ZBTB48: variants seen among roughly 807,000 people sequenced by gnomAD.
ZBTB48 encodes the protein zinc finger and BTB domain containing 48, also known as zinc finger and BTB domain-containing protein 48.
Under a neutral mutation model 64.5 loss-of-function variants are expected in ZBTB48, and 35 were observed. The observed-to-expected ratio is 0.54, with a 90% CI of 0.41 to 0.72. The LOEUF is 0.72. ZBTB48 is among the 30% of genes least tolerant of loss of function. ZBTB48 has a pLI of 0.00. For missense variants in ZBTB48, 828 were observed against 895.3 expected (o/e 0.92, Z 0.96); for synonymous variants, 442 against 356.7 (o/e 1.24, Z -2.70).
Position 6,587,205 on chromosome 1 carries a change from T to C in ZBTB48, c.1138T>C (p.Cys380Arg). Residue 380 changes from cysteine to arginine, a missense_variant and splice_region_variant, in exon 6 of 11, where the codon TGT (cysteine) becomes CGT (arginine). Coordinates refer to ENST00000377674, the MANE Select transcript of ZBTB48 (RefSeq NM_005341.4). ...AGGTGACTGTGGGCCTCTTTTTCAG[T>C]GTTCCTCCTGCTCCCAGCAGTTCAT... ...VSHTGEMPYK[C>R]SSCSQQFMQK... The C allele has an allele frequency of 6.2e-7, 1 of 1,613,898 alleles. No homozygotes were observed. The highest frequency in any genetic ancestry group is 8.5e-7 in the Non-Finnish European group (1 of 1,180,008).
At chr1:6,581,688 C>T (rs538567244) in intron 2 of ZBTB48, among the ~76,000 whole-genome samples, 75 of 151,952 alleles carry the variant, frequency 4.9e-4, no homozygotes, top group Admixed American at 1.9e-3. Flanking sequence ...AATATGTGGA[C>T]CTTAAGACAA....
Position 6,586,767 on chromosome 1 carries a change from A to G in ZBTB48, c.1117A>G (p.Thr373Ala). 3.1e-6 allele frequency: 5 copies of G among 1,607,588 alleles called. No individual in the cohort carries two copies. Among genetic ancestry groups the G allele is most frequent in the Non-Finnish European group, 4.3e-6 (5 of 1,176,466 alleles). ...MELRVHMVSHTGEMPYKCSSC... is the reference protein window; with the variant it reads ...MELRVHMVSHAGEMPYKCSSC... ...GCTGCGGGTGCACATGGTGTCTCAC[A>G]CAGGGGAGATGCCCTACAAGGTCAG... is the stretch of plus-strand genomic sequence containing the variant. The change falls in exon 5 of 11, where the codon ACA (threonine) becomes GCA (alanine). Residue 373 changes from threonine (T) to alanine (A), a missense_variant. Thr to Ala is a moderately conservative substitution (Grantham distance 58). Transcript: ENST00000377674.
At chr1:6,581,857 T>A (rs1640481639) in intron 2 of ZBTB48, among the ~76,000 whole-genome samples, 1 of 152,148 alleles carries the variant, frequency 6.6e-6, no homozygotes, top group Non-Finnish European at 1.5e-5. Context: ...TGTTTCCAGC[T>A]GAGCTTCCAG....
chr1:6,584,353 C>A lies in ZBTB48; in HGVS notation c.933-1566C>A, dbSNP rs538649528. On this transcript the variant is annotated intron_variant, in intron 3 of 10. Transcript: ENST00000377674. The surrounding 1 kb of genome is among the most constrained non-coding windows in gnomAD (Gnocchi z 4.5). ...CAGTGCTGACATAGCACATTTCCAT[C>A]ATCGTGGAGAATCCCCTTGGGCGGC... Among the ~76,000 whole-genome samples, 1 of 152,400 alleles carries A rather than the reference C, an allele frequency of 6.6e-6. No individual in the cohort carries two copies. The highest frequency in any genetic ancestry group is 1.9e-4 in the East Asian group (1 of 5,188).
Position 6,587,616 on chromosome 1 carries a change from A to G in ZBTB48, c.1363A>G (p.Ile455Val). ...GAGCCGGAATGGCCTGCAGATGCAC[A>G]TCAAGGCCAAGCACAGGTGCGTGTC... ...ASSRNGLQMH[I>V]KAKHRNERPH... The change falls in exon 7 of 11, where the codon ATC becomes GTC. Residue 455 changes from isoleucine (I) to valine (V), a missense_variant. Coordinates refer to ENST00000377674, the MANE Select transcript of ZBTB48 (RefSeq NM_005341.4). The G allele has an allele frequency of 6.2e-7, 1 of 1,613,330 alleles. No individual in the cohort carries two copies. The highest frequency in any genetic ancestry group is 1.1e-5 in the South Asian group (1 of 91,046).
In ZBTB48 at chr1:6,588,901, C is replaced by T. The variant is rs1480455896; in HGVS notation, c.1771-15C>T. 4.3e-6 allele frequency: 7 copies of T among 1,613,616 alleles called. No individual in the cohort carries two copies. Among genetic ancestry groups the T allele is most frequent in the Admixed American group, 1.7e-5 (1 of 60,002 alleles). On this transcript the variant is annotated splice_polypyrimidine_tract_variant and intron_variant, in intron 10 of 10. Coordinates refer to ENST00000377674, the MANE Select transcript of ZBTB48 (RefSeq NM_005341.4). Reference sequence around the variant, plus strand: ...CTAGGATCCCCCAAAGTTCTGAGCTCACCCTCCCCGCCAGGCCCACCTGCG... The same window carrying T: ...CTAGGATCCCCCAAAGTTCTGAGCTTACCCTCCCCGCCAGGCCCACCTGCG...
Position 6,588,796 on chromosome 1 carries a change from G to A in ZBTB48, c.1722G>A (p.Gly574=). ...QLRVHVRRHK[G]VRKFECTECG... ...GTGTGCACGTCAGACGGCACAAGGG[G>A]GTGAGGAAGTTTGAGTGCACCGAGT... The change falls in exon 10 of 11, where the codon GGG becomes GGA. Residue 574 remains glycine, a synonymous_variant. Coordinates refer to ENST00000377674, the MANE Select transcript of ZBTB48 (RefSeq NM_005341.4). 3 of 1,614,148 alleles carry A rather than the reference G, an allele frequency of 1.9e-6. No individual in the cohort carries two copies. The highest frequency in any genetic ancestry group is 1.1e-5 in the South Asian group (1 of 91,088).
chr1:6,583,861 C>A (rs1484728559), intron 3 of ZBTB48, among the ~76,000 whole-genome samples: 2 of 150,762 alleles, frequency 1.3e-5, no homozygotes, highest in African/African-American at 4.9e-5. Context: ...CTCACTACAA[C>A]CTCTGCCTCC....
At position 6,582,267 on chromosome 1, in the gene ZBTB48, C is replaced by T. The variant is rs375244178; in HGVS notation, c.900C>T (p.Phe300=). 1 of 1,612,852 alleles carries T rather than the reference C, an allele frequency of 6.2e-7. No homozygotes were observed. The highest frequency in any genetic ancestry group is 8.5e-7 in the Non-Finnish European group (1 of 1,178,974). ...AATGCCCCACATGTCATAAAAAGTT[C>T]CTCAGCAAATATTATCTAAAAGTCC... ...PVECPTCHKK[F]LSKYYLKVHN... is the part of the protein sequence containing the mutation. Residue 300 remains phenylalanine (F), a synonymous_variant, in exon 3 of 11, where the codon TTC becomes TTT. Transcript: ENST00000377674.
Position 6,587,204 on chromosome 1 carries a change from G to T in ZBTB48, c.1138-1G>T. ...GAGGTGACTGTGGGCCTCTTTTTCA[G>T]TGTTCCTCCTGCTCCCAGCAGTTCA... is the stretch of plus-strand genomic sequence containing the variant. On this transcript the variant is annotated splice_acceptor_variant, in intron 5 of 10. Coordinates refer to ENST00000377674, the MANE Select transcript of ZBTB48 (RefSeq NM_005341.4). LOFTEE classifies it high-confidence loss of function. 3.7e-6 allele frequency: 6 copies of T among 1,613,930 alleles called. No individual in the cohort carries two copies. Among genetic ancestry groups the T allele is most frequent in the Non-Finnish European group, 5.1e-6 (6 of 1,179,998 alleles).
intron 3 of ZBTB48, chr1:6,585,468 G>A (rs1425500443): frequency 5.4e-6 from 1 of 184,766 alleles, no homozygotes; most frequent in Admixed American, 5.3e-5. Context: ...AAACCTGTGG[G>A]GGAGGCAGTC....
rs756776767 is a variant in ZBTB48 at position 6,589,228 on chromosome 1, A to G, written c.*16A>G. 1 of 1,495,058 alleles carries G rather than the reference A, an allele frequency of 6.7e-7. No individual in the cohort carries two copies. Among genetic ancestry groups the G allele is most frequent in the South Asian group, 1.4e-5 (1 of 73,538 alleles). 92.6% of individuals were successfully genotyped at this position (1,495,058 alleles called of 1,614,324 possible). A position where few individuals can be genotyped will look rare whatever the true frequency, so the allele number is the denominator to read the frequency against. On this transcript the variant is annotated 3_prime_UTR_variant, in exon 11 of 11. Transcript: ENST00000377674. Reference sequence around the variant, plus strand: ...TGACACATAGCCCATTCTGGCCACCAGAGCCCACTTGGCCCCACCCCTCAA... The same window carrying G: ...TGACACATAGCCCATTCTGGCCACCGGAGCCCACTTGGCCCCACCCCTCAA...
At chr1:6,582,674 G>A (rs139057376) in intron 3 of ZBTB48, among the ~76,000 whole-genome samples, 47 of 152,326 alleles carry the variant, frequency 3.1e-4, no homozygotes, top group East Asian at 1.5e-3. Flanking sequence ...CTTGAAGCCT[G>A]GCAGTGTGGG....
rs961312143 is a variant in ZBTB48, at chr1:6,586,455, G to A, written c.1045-240G>A. 4.0e-6 allele frequency: 3 copies of A among 757,118 alleles called. No individual in the cohort carries two copies. The African/African-American group carries it at 5.3e-5, about 13-fold the overall frequency. 46.9% of individuals were successfully genotyped at this position (757,118 alleles called of 1,614,324 possible). ...GCCACTAGGGCCAGGGACTGTGGGTGAGGCCACTCGGACCCTGCCCCCAGT... is the reference window on the plus strand; with the variant it reads ...GCCACTAGGGCCAGGGACTGTGGGTAAGGCCACTCGGACCCTGCCCCCAGT... On this transcript the variant is annotated intron_variant, in intron 4 of 10. Coordinates refer to ENST00000377674, the MANE Select transcript of ZBTB48 (RefSeq NM_005341.4).
Position 6,587,302 on chromosome 1 carries a change from G to A in ZBTB48, c.1224+11G>A. ...CCCAAGCCCCATGCAGTAAGTGACA[G>A]GGAGGGCTGGGCATGCTTTGATGCT... On this transcript the variant is annotated intron_variant, in intron 6 of 10. Coordinates refer to ENST00000377674, the MANE Select transcript of ZBTB48 (RefSeq NM_005341.4). 2 of 1,614,068 alleles carry A rather than the reference G, an allele frequency of 1.2e-6. No individual in the cohort carries two copies. The highest frequency in any genetic ancestry group is 1.7e-6 in the Non-Finnish European group (2 of 1,180,014).
Position 6,588,307 on chromosome 1 carries a change from A to T in ZBTB48, c.1546A>T (p.Thr516Ser). The T allele has an allele frequency of 6.2e-7, 1 of 1,607,652 alleles. No homozygotes were observed. Among genetic ancestry groups the T allele is most frequent in the Non-Finnish European group, 8.5e-7 (1 of 1,175,166 alleles). Residue 516 changes from threonine to serine, a missense_variant, in exon 9 of 11, where the codon ACC becomes TCC. Physicochemically the swap from Thr to Ser is moderately conservative, Grantham distance 58. Coordinates refer to ENST00000377674, the MANE Select transcript of ZBTB48 (RefSeq NM_005341.4). ...ASLDKHNRTH[T>S]GERPFSCEFC... ...CCTGGACAAGCACAACCGCACCCAC[A>T]CCGGGGAAAGGCCCTTCAGTTGCGA...
At chr1:6,588,256 A>T in intron 8 of ZBTB48, 22 bp from the exon 9 acceptor site, 8 of 1,609,400 alleles carry the variant, frequency 5.0e-6, no homozygotes, top group Non-Finnish European at 6.8e-6. Flanking sequence ...CCACAGGCTG[A>T]GCTCTTGCCT....
At chr1:6,585,071 C>T (rs970886707) in intron 3 of ZBTB48, among the ~76,000 whole-genome samples, 11 of 152,054 alleles carry the variant, frequency 7.2e-5, no homozygotes, top group Admixed American at 2.0e-4. Context: ...AAAGCAGAGG[C>T]GGGCCAAGGG....
chr1:6,588,000 C>G, intron 7 of ZBTB48, 60 bp from the exon 8 acceptor site: 1 of 1,600,214 alleles, frequency 6.2e-7, no homozygotes, highest in Non-Finnish European at 8.5e-7. Context: ...CTAGCTGTAG[C>G]AGAGCAAGGG....
Sources: gnomAD v4.1 joint callset for allele counts (sites outside exome capture counted in the v4.1 genomes callset) on GRCh38, gnomAD v4.1.1 for gene constraint, Gnocchi (gnomAD v3.1) non-coding constraint, MANE v1.5 for transcripts, NCBI Gene and HGNC (gene_info 2026-07-23, HGNC 2026-07-21) for gene names.